Variants in ANKRD13C observed in about 807,000 individuals in gnomAD.
ANKRD13C encodes ankyrin repeat domain 13C.
In ANKRD13C, 16 loss-of-function variants were observed where a neutral mutation model predicts 65.5. The ratio of observed to expected loss-of-function variants is 0.24; its 90% CI spans 0.17 to 0.37. The LOEUF (loss-of-function observed/expected upper bound fraction) is 0.37. Ranked by LOEUF, ANKRD13C falls within the 10% of genes least tolerant of loss-of-function variation. The pLI, the probability that ANKRD13C is intolerant of heterozygous loss-of-function variation, is 1.00. For synonymous variants in ANKRD13C, 235 were observed against 238.7 expected (o/e 0.98, Z 0.14); for missense variants, 503 against 655.9 (o/e 0.77, Z 2.55).
chr1:70,344,497 A>G (rs1293996512), intron 1 of ANKRD13C, among the ~76,000 whole-genome samples: 2 of 152,086 alleles, frequency 1.3e-5, no homozygotes, highest in African/African-American at 4.8e-5. Context: ...AATAATCAAT[A>G]GAATGGCTGG....
chr1:70,353,816 A>T, intron 1 of ANKRD13C, 163 bp downstream of exon 1: 1 of 942,154 alleles, frequency 1.1e-6, no homozygotes, highest in Non-Finnish European at 1.5e-6. Flanking sequence ...CAACCCCTTG[A>T]CCACTGGCAC....
rs115052973 is a variant in ANKRD13C, at chr1:70,315,809, A to G, written c.578-243T>C. Reference sequence around the variant, plus strand: ...AAAGAAGCTGAGACATAGAAGTCAGAGAACATGGGACCTATATAGATAGAA... The same window carrying G: ...AAAGAAGCTGAGACATAGAAGTCAGGGAACATGGGACCTATATAGATAGAA... On this transcript the variant is annotated intron_variant, in intron 3 of 12. Coordinates refer to ENST00000370944, the MANE Select transcript of ANKRD13C (RefSeq NM_030816.5). Among the ~76,000 whole-genome samples, 178 of 152,346 alleles carry G rather than the reference A, an allele frequency of 1.2e-3. 1 individual carries two copies. The highest frequency in any genetic ancestry group is 4.0e-3 in the African/African-American group (167 of 41,576).
At chr1:70,279,248 T>C (rs375838385) in intron 9 of ANKRD13C, among the ~76,000 whole-genome samples, 2 of 152,038 alleles carry the variant, frequency 1.3e-5, no homozygotes, top group East Asian at 3.9e-4. Context: ...AAGCAGTAAA[T>C]GGAGGAAAAG....
At chr1:70,303,617 G>A (rs1208795772) in intron 6 of ANKRD13C, among the ~76,000 whole-genome samples, 1 of 152,202 alleles carries the variant, frequency 6.6e-6, no homozygotes, top group South Asian at 2.1e-4. Context: ...TTCTACTAAA[G>A]TATTAGTTTC....
Position 70,324,857 on chromosome 1 carries a change from C to A in ANKRD13C, c.573G>T (p.Gln191His). The A allele has an allele frequency of 6.2e-7, 1 of 1,600,340 alleles. No individual in the cohort carries two copies. Among genetic ancestry groups the A allele is most frequent in the South Asian group, 1.1e-5 (1 of 88,088 alleles). ...LAEAISYGDR[Q>H]MITALLRKLK... ...ACAGTAATTCATATTGCTTACTCAT[C>A]TGCCTATCTCCATAGCTGATGGCTT... The change falls in exon 3 of 13, where the codon CAG becomes CAT. Residue 191 changes from glutamine to histidine, a missense_variant. Physicochemically the swap from Gln to His is conservative, Grantham distance 24. This residue lies in a region of ANKRD13C where 300 missense variants were observed against 478.3 expected (regional missense o/e 0.63). Transcript: ENST00000370944.
chr1:70,336,950 G>C (rs1358603475), intron 1 of ANKRD13C, among the ~76,000 whole-genome samples: 2 of 152,056 alleles, frequency 1.3e-5, no homozygotes, highest in African/African-American at 4.8e-5. Flanking sequence ...TAAACCAACA[G>C]TAATATTTGA....
chr1:70,270,857 T>C lies in ANKRD13C; in HGVS notation c.1494A>G (p.Leu498=). The part of the protein sequence containing the change: ...MKLPPGFPVK[L]DIPVFPTITA... ...ATTATATCTAATTTTTTCTCTTACC[T>C]AATTTTACAGGAAAGCCTGGAGGAA... The change falls in exon 12 of 13, where the codon TTA becomes TTG. Residue 498 remains leucine (L), a splice_region_variant and synonymous_variant. Transcript: ENST00000370944. 6.3e-7 allele frequency: 1 copy of C among 1,597,416 alleles called. No homozygotes were observed. The highest frequency in any genetic ancestry group is 1.1e-5 in the South Asian group (1 of 89,656).
rs1389621921 is a variant in ANKRD13C, at chr1:70,354,204, A to T, written c.205T>A (p.Ser69Thr). The change falls in exon 1 of 13, where the codon TCC becomes ACC. Residue 69 changes from serine to threonine, a missense_variant. Coordinates refer to ENST00000370944, the MANE Select transcript of ANKRD13C (RefSeq NM_030816.5). Reference protein sequence around the residue: ...HRLQLKAAPASSNPPGAPALP... With the variant: ...HRLQLKAAPATSNPPGAPALP... ...GCCGGGGCGCCGGGGGGATTGGAGGAGGCCGGAGCTGCCTTCAGCTGTAGC... is the reference window on the plus strand; with the variant it reads ...GCCGGGGCGCCGGGGGGATTGGAGGTGGCCGGAGCTGCCTTCAGCTGTAGC... 6.2e-7 allele frequency: 1 copy of T among 1,613,786 alleles called. No individual in the cohort carries two copies.
At chr1:70,304,152 C>T (rs1572094188) in intron 6 of ANKRD13C, among the ~76,000 whole-genome samples, 3 of 152,150 alleles carry the variant, frequency 2.0e-5, no homozygotes, top group South Asian at 4.1e-4. Context: ...GGTGATCCTC[C>T]CACCTCAGCC....
In ANKRD13C at chr1:70,295,411, G is replaced by T. The variant is rs572384435; in HGVS notation, c.1053+719C>A. Among the ~76,000 whole-genome samples the T allele has an allele frequency of 1.0e-3, 155 of 151,822 alleles. 1 individual carries two copies. In the Middle Eastern group the frequency reaches 0.014, roughly 13 times the overall value. On this transcript the variant is annotated intron_variant, in intron 8 of 12. Coordinates refer to ENST00000370944, the MANE Select transcript of ANKRD13C (RefSeq NM_030816.5). ...TACAGGTATGCACCACCACGCCCGG[G>T]TAATTTTTGTATTTTTAGTAGAGAC... is the stretch of plus-strand genomic sequence containing the variant.
At chr1:70,274,148 A>G (rs1346066270) in intron 11 of ANKRD13C, among the ~76,000 whole-genome samples, 5 of 152,118 alleles carry the variant, frequency 3.3e-5, no homozygotes, top group Non-Finnish European at 7.4e-5. Flanking sequence ...TTTTAAAACA[A>G]GCATGTATTC....
At chr1:70,318,514 A>G (rs1290863245) in intron 3 of ANKRD13C, among the ~76,000 whole-genome samples, 1 of 152,128 alleles carries the variant, frequency 6.6e-6, no homozygotes, top group Non-Finnish European at 1.5e-5. Context: ...CAAACCCAAC[A>G]AATCTAACAC....
At position 70,339,315 on chromosome 1, in the gene ANKRD13C, A is replaced by ATT. The variant is rs781339493; in HGVS notation, c.431-3218_431-3217dup. Among the ~76,000 whole-genome samples, 290 of 127,854 alleles carry ATT rather than the reference A, an allele frequency of 2.3e-3. 4 individuals are homozygous for ATT. Among genetic ancestry groups the ATT allele is most frequent in the Middle Eastern group, 0.012 (3 of 248 alleles). 83.9% of individuals were successfully genotyped at this position (127,854 alleles called of 152,430 possible). On this transcript the variant is annotated intron_variant, in intron 1 of 12. Coordinates refer to ENST00000370944, the MANE Select transcript of ANKRD13C (RefSeq NM_030816.5). ...AAGATTTACTTTGAGCTATCATTCC[A>ATT]TTTTTTTTTTTTTTTTTTTGAGACA...
At chr1:70,350,485 G>A (rs1207951636) in intron 1 of ANKRD13C, among the ~76,000 whole-genome samples, 1 of 152,114 alleles carries the variant, frequency 6.6e-6, no homozygotes, top group African/African-American at 2.4e-5. Flanking sequence ...GCTATCATGT[G>A]GACAAAGTAG....
At chr1:70,313,687 T>C in intron 5 of ANKRD13C, 58 bp downstream of exon 5, 2 of 1,288,582 alleles carry the variant, frequency 1.6e-6, no homozygotes. Flanking sequence ...ATAGGTATTT[T>C]TGTACTTGCA....
In ANKRD13C at chr1:70,330,213, G is replaced by A. The variant is rs1681724244; in HGVS notation, c.473-5256C>T. Reference sequence around the variant, plus strand: ...GCTTAAAGAATGCATAAATGTGCCAGGAAGAACTCAAGGCAAGGACTGTGA... The same window carrying A: ...GCTTAAAGAATGCATAAATGTGCCAAGAAGAACTCAAGGCAAGGACTGTGA... On this transcript the variant is annotated intron_variant, in intron 2 of 12. Coordinates refer to ENST00000370944, the MANE Select transcript of ANKRD13C (RefSeq NM_030816.5). 3.3e-5 allele frequency among the ~76,000 whole-genome samples: 5 copies of A among 152,108 alleles called. No individual in the cohort carries two copies. In the South Asian group the frequency reaches 1.0e-3, roughly 32 times the overall value.
chr1:70,284,610 AG>A (rs1162451110), intron 9 of ANKRD13C, among the ~76,000 whole-genome samples: 1 of 152,232 alleles, frequency 6.6e-6, no homozygotes, highest in Non-Finnish European at 1.5e-5. Context: ...ACTTACAGCA[AG>A]AACAGGCTTG....
chr1:70,276,464 C>T (rs563427335), intron 10 of ANKRD13C, among the ~76,000 whole-genome samples: 1 of 152,140 alleles, frequency 6.6e-6, no homozygotes, highest in Admixed American at 6.5e-5. Context: ...AAGCAACTGT[C>T]CTGCGCAATT....
chr1:70,323,776 G>C (rs763907182), intron 3 of ANKRD13C, among the ~76,000 whole-genome samples: 49 of 150,176 alleles, frequency 3.3e-4, no homozygotes, highest in Non-Finnish European at 6.2e-4. Context: ...CCGGGCTGGA[G>C]TGCAATGGTG....
Sources: gnomAD v4.1 joint callset for allele counts (sites outside exome capture counted in the v4.1 genomes callset) on GRCh38, gnomAD v4.1.1 for gene constraint, gnomAD v4.1.1 regional missense constraint, MANE v1.5 for transcripts, NCBI Gene and HGNC (gene_info 2026-07-23, HGNC 2026-07-21) for gene names.